EPB41L2: variants seen among roughly 807,000 people sequenced by gnomAD.
The protein encoded by EPB41L2 is erythrocyte membrane protein band 4.1 like 2.
A neutral mutation model predicts 113.0 loss-of-function variants in EPB41L2; 43 were observed. The observed-to-expected ratio is 0.38, with a 90% CI of 0.30 to 0.49. EPB41L2 has a LOEUF of 0.49. Ranked by LOEUF, EPB41L2 falls within the 20% of genes least tolerant of loss-of-function variation. The probability of loss-of-function intolerance (pLI) is 0.95; values close to 1 mark genes in which losing one functional copy is unlikely to be tolerated. For missense variants in EPB41L2, 1,147 were observed against 1,223.4 expected, an observed-to-expected ratio of 0.94 and a Z score of 0.93; for synonymous variants, 442 against 436.7, an observed-to-expected ratio of 1.01 and a Z score of -0.15.
intron 1 of EPB41L2, among the ~76,000 whole-genome samples, chr6:131,026,192 G>A (rs1400443444): frequency 6.6e-6 from 1 of 152,170 alleles, no homozygotes; most frequent in Non-Finnish European, 1.5e-5. Flanking sequence ...GTATGAACAA[G>A]AGGAAGCACC....
intron 1 of EPB41L2, among the ~76,000 whole-genome samples, chr6:130,985,908 C>A (rs1780437577): frequency 6.6e-6 from 1 of 152,074 alleles, no homozygotes; most frequent in South Asian, 2.1e-4. Flanking sequence ...CAGAGGTGTA[C>A]AACCAGCACC....
At chr6:130,979,206 C>A (rs1221552810) in intron 1 of EPB41L2, among the ~76,000 whole-genome samples, 2 of 152,112 alleles carry the variant, frequency 1.3e-5, no homozygotes, top group African/African-American at 4.8e-5. Context: ...AACTGACTGG[C>A]CGGGTGTGGT....
At chr6:130,902,195 G>A (rs528309704) in intron 6 of EPB41L2, among the ~76,000 whole-genome samples, 7 of 152,286 alleles carry the variant, frequency 4.6e-5, no homozygotes, top group Non-Finnish European at 2.9e-5. Context: ...ACTGGCAGCT[G>A]GCCATCTTAG....
At chr6:130,901,303 A>G (rs1796237927) in intron 6 of EPB41L2, 123 bp from the exon 7 acceptor site, 2 of 749,476 alleles carry the variant, frequency 2.7e-6, no homozygotes, top group Admixed American at 5.7e-5. Context: ...CTCTTCATAT[A>G]AACAGCAAAA....
intron 19 of EPB41L2, among the ~76,000 whole-genome samples, chr6:130,854,146 C>T (rs117746800): frequency 7.2e-5 from 11 of 152,270 alleles, no homozygotes; most frequent in African/African-American, 2.4e-4. Context: ...ATTTTGTTCT[C>T]TCATAGCATT....
chr6:130,878,230 C>G lies in EPB41L2; in HGVS notation c.1917G>C (p.Glu639Asp), dbSNP rs775037017. 2.5e-6 allele frequency: 4 copies of G among 1,611,884 alleles called. No homozygotes were observed. The Admixed American group carries it at 6.7e-5, about 27-fold the overall frequency. Residue 639 changes from glutamate (E) to aspartate (D), a missense_variant, in exon 14 of 20, where the codon GAG (glutamate) becomes GAC (aspartate). Glu to Asp is a conservative substitution (Grantham distance 45). Transcript: ENST00000337057. ...LMLEELDKAQ[E>D]DILKHQASIS... ...TGCTAGCCTGATGTTTCAGTATGTC[C>G]TCCTGGGCCTTATCCAGTTCCTAGC...
intron 5 of EPB41L2, among the ~76,000 whole-genome samples, chr6:130,907,871 G>C (rs1798185324): frequency 6.6e-6 from 1 of 152,136 alleles, no homozygotes; most frequent in Admixed American, 6.5e-5. Context: ...GAAATCAACA[G>C]TACAAAGGGC....
chr6:130,957,018 G>A (rs535438506), intron 1 of EPB41L2, among the ~76,000 whole-genome samples: 4 of 152,146 alleles, frequency 2.6e-5, no homozygotes, highest in Non-Finnish European at 5.9e-5. Context: ...AGTGTATGGT[G>A]TGTAACAGCC....
chr6:131,018,936 C>T (rs908810811), intron 1 of EPB41L2, among the ~76,000 whole-genome samples: 8 of 152,300 alleles, frequency 5.3e-5, no homozygotes, highest in African/African-American at 1.9e-4. Flanking sequence ...TTTCAACAGC[C>T]TTGATATGTG....
intron 19 of EPB41L2, among the ~76,000 whole-genome samples, chr6:130,843,936 T>TA (rs1776250162): frequency 6.6e-6 from 1 of 152,212 alleles, no homozygotes; most frequent in South Asian, 2.1e-4. Context: ...AGTCCATACA[T>TA]ACAAGTTCTA....
In EPB41L2 at chr6:130,899,469, C is replaced by T. The variant is rs200474808; in HGVS notation, c.1236+22G>A. ...CAGTCAACAGACTACTATGATGCTACTCCCCGTTACATTTACAGTACCTTG... is the reference window on the plus strand; with the variant it reads ...CAGTCAACAGACTACTATGATGCTATTCCCCGTTACATTTACAGTACCTTG... On this transcript the variant is annotated intron_variant, in intron 8 of 19. Transcript: ENST00000337057. The T allele has an allele frequency of 8.8e-6, 14 of 1,597,512 alleles. No homozygotes were observed. In the East Asian group the frequency reaches 2.7e-4, roughly 31 times the overall value.
intron 1 of EPB41L2, among the ~76,000 whole-genome samples, chr6:131,027,289 A>G (rs947086799): frequency 5.3e-5 from 8 of 152,144 alleles, no homozygotes; most frequent in African/African-American, 1.9e-4. Context: ...TGATTCTATT[A>G]AATCTGAAAT....
At chr6:130,895,884 G>T (rs17832366) in intron 8 of EPB41L2, among the ~76,000 whole-genome samples, 8,289 of 152,282 alleles carry the variant, frequency 0.054, 317 homozygotes, top group Middle Eastern at 0.078. Context: ...AGGCAAAAGT[G>T]AAAACCTGTC....
intron 4 of EPB41L2, among the ~76,000 whole-genome samples, chr6:130,917,339 T>C (rs1801435222): frequency 6.6e-6 from 1 of 151,858 alleles, no homozygotes. Flanking sequence ...GACTTCTGTG[T>C]CCATCTACAC....
At chr6:130,865,277 T>C (rs1783368505) in intron 17 of EPB41L2, among the ~76,000 whole-genome samples, 1 of 152,254 alleles carries the variant, frequency 6.6e-6, no homozygotes, top group African/African-American at 2.4e-5. Flanking sequence ...TATTAAATTA[T>C]TTATGGTTTT....
chr6:131,012,093 T>C lies in EPB41L2; in HGVS notation c.-15+51062A>G, dbSNP rs1787146713. 3.3e-5 allele frequency among the ~76,000 whole-genome samples: 5 copies of C among 152,012 alleles called. No individual in the cohort carries two copies. The South Asian group carries it at 1.0e-3, about 32-fold the overall frequency. ...GGTGGCACGCACCTGTAGTCCCAGC[T>C]ACTCGGGAGGCTGAGGCATGAGAAT... On this transcript the variant is annotated intron_variant, in intron 1 of 19. Coordinates refer to ENST00000337057, the MANE Select transcript of EPB41L2 (RefSeq NM_001431.4).
In EPB41L2 at chr6:130,899,420, G is replaced by A. The variant is rs1795647744; in HGVS notation, c.1236+71C>T. On this transcript the variant is annotated intron_variant, in intron 8 of 19. Transcript: ENST00000337057. ...TCCCAAAAATAAGCTGTGCTATCCT[G>A]AAACTGGAGCCCTCTCAAAACCTCA... The A allele has an allele frequency of 2.4e-6, 3 of 1,251,444 alleles. No individual in the cohort carries two copies. The South Asian group carries it at 3.7e-5, about 15-fold the overall frequency. The allele number at this position is 1,251,444 out of a possible 1,614,324, so 77.5% of individuals were successfully genotyped here. A position where few individuals can be genotyped will look rare whatever the true frequency, so the allele number is the denominator to read the frequency against.
At chr6:130,983,362 G>A (rs1039779130) in intron 1 of EPB41L2, among the ~76,000 whole-genome samples, 1 of 152,090 alleles carries the variant, frequency 6.6e-6, no homozygotes, top group African/African-American at 2.4e-5. Flanking sequence ...GTATCCTTAA[G>A]GTGATTGGTG....
At chr6:131,016,143 TG>T (rs1239698230) in intron 1 of EPB41L2, among the ~76,000 whole-genome samples, 1 of 152,220 alleles carries the variant, frequency 6.6e-6, no homozygotes, top group African/African-American at 2.4e-5. Flanking sequence ...AGAAGAGAAC[TG>T]TAACTTCCAA....
Sources: allele counts gnomAD v4.1 joint callset (sites outside exome capture counted in the v4.1 genomes callset), GRCh38; gene constraint gnomAD v4.1.1; transcripts MANE v1.5; gene names NCBI Gene and HGNC (gene_info 2026-07-23, HGNC 2026-07-21).